TARBP1: variants seen among roughly 807,000 people sequenced by gnomAD.
The protein encoded by TARBP1 is tRNA (guanosine(18)-2'-O)-methyltransferase TARBP1.
A neutral mutation model predicts 178.6 loss-of-function variants in TARBP1; 144 were observed. That is an observed-to-expected ratio of 0.81 (90% CI 0.70 to 0.93). The LOEUF is 0.93. Ranked by LOEUF, TARBP1 falls within the 40% of genes least tolerant of loss-of-function variation. TARBP1 has a pLI of 0.00. For synonymous variants in TARBP1, 787 were observed against 781.0 expected, an observed-to-expected ratio of 1.01 and a Z score of -0.13; for missense variants, 2,067 against 2,011.7, an observed-to-expected ratio of 1.03 and a Z score of -0.53.
At chr1:234,411,238 T>C (rs932644899) in intron 22 of TARBP1, among the ~76,000 whole-genome samples, 1 of 152,380 alleles carries the variant, frequency 6.6e-6, no homozygotes, top group Middle Eastern at 3.4e-3. Context: ...TTACATAGCA[T>C]GTACATTGTA....
intron 3 of TARBP1, among the ~76,000 whole-genome samples, chr1:234,470,135 C>T (rs796934215): frequency 1.6e-4 from 24 of 152,044 alleles, no homozygotes; most frequent in African/African-American, 4.6e-4. Flanking sequence ...GGTGTGGTGG[C>T]GCATGCCTGT....
chr1:234,392,997 G>C (rs184703111), intron 28 of TARBP1, among the ~76,000 whole-genome samples: 1 of 152,162 alleles, frequency 6.6e-6, no homozygotes, highest in Non-Finnish European at 1.5e-5. Context: ...GGGATTACAG[G>C]CGTGAGCCAC....
In TARBP1 at chr1:234,411,210, A is replaced by C. The variant is rs572384963; in HGVS notation, c.3706-679T>G. On this transcript the variant is annotated intron_variant, in intron 22 of 29. Transcript: ENST00000040877. ...CAATTAAAAAGTAATACAAAGTTTA[A>C]AACTGTATAACAGCGATTTACATAG... Among the ~76,000 whole-genome samples the C allele has an allele frequency of 2.0e-4, 30 of 152,378 alleles. No homozygotes were observed. The South Asian group carries it at 3.1e-3, about 16-fold the overall frequency.
rs201266186 is a variant in TARBP1 at position 234,457,741 on chromosome 1, A to G, written c.1648T>C (p.Ser550Pro). The G allele has an allele frequency of 1.1e-5, 17 of 1,609,258 alleles. No individual in the cohort carries two copies. The highest frequency in any genetic ancestry group is 1.4e-5 in the Non-Finnish European group (16 of 1,177,054). Reference sequence around the variant, plus strand: ...GACATGAGAAAAGTTGAGACATCAGAAAGTGACACTTTCTCCTGGGCAGGG... The same window carrying G: ...GACATGAGAAAAGTTGAGACATCAGGAAGTGACACTTTCTCCTGGGCAGGG... Reference protein sequence around the residue: ...NLLDVEKVSLSDVSTFLMSLR... With the variant: ...NLLDVEKVSLPDVSTFLMSLR... The change falls in exon 9 of 30, where the codon TCT (serine) becomes CCT (proline). Residue 550 changes from serine (S) to proline (P), a missense_variant. Physicochemically the swap from Ser to Pro is moderately conservative, Grantham distance 74 (BLOSUM62 -1). Transcript: ENST00000040877.
At chr1:234,436,760 T>C (rs1212660154) in intron 13 of TARBP1, among the ~76,000 whole-genome samples, 1 of 152,184 alleles carries the variant, frequency 6.6e-6, no homozygotes, top group Non-Finnish European at 1.5e-5. Flanking sequence ...ATTTTCAAGG[T>C]ATTCTTTAAG....
chr1:234,435,957 C>A (rs1664988174), intron 13 of TARBP1, among the ~76,000 whole-genome samples: 1 of 152,150 alleles, frequency 6.6e-6, no homozygotes, highest in Non-Finnish European at 1.5e-5. Context: ...ACACTGCTGA[C>A]AGGGGAAAGT....
chr1:234,401,047 C>A, intron 25 of TARBP1, 134 bp downstream of exon 25: 1 of 622,586 alleles, frequency 1.6e-6, no homozygotes, highest in Admixed American at 3.2e-5. Context: ...AAACTTAGAA[C>A]TTTAAAATGT....
intron 12 of TARBP1, 38 bp from the exon 13 acceptor site, chr1:234,437,410 C>T (rs745892004): frequency 2.7e-6 from 3 of 1,110,680 alleles, no homozygotes; most frequent in Non-Finnish European, 3.9e-6. Context: ...AAAATGACAG[C>T]AGTTCTTTGG....
chr1:234,409,693 T>C (rs1661607464), intron 23 of TARBP1, among the ~76,000 whole-genome samples: 1 of 152,228 alleles, frequency 6.6e-6, no homozygotes, highest in African/African-American at 2.4e-5. Context: ...GTTTAAAAAC[T>C]AGAACACTGA....
rs147429044 is a variant in TARBP1 at position 234,446,923 on chromosome 1, C to T, written c.2014G>A (p.Asp672Asn). ...TTGGTACTAAACTTCATAAGCACATCCAGAAGAGGGTCTAAGAATATCCGC... is the reference window on the plus strand; with the variant it reads ...TTGGTACTAAACTTCATAAGCACATTCAGAAGAGGGTCTAAGAATATCCGC... ...VLRIFLDPLL[D>N]VLMKFSTNAY... Residue 672 changes from aspartate to asparagine, a missense_variant, in exon 12 of 30, where the codon GAT becomes AAT. Asp to Asn is a conservative substitution (Grantham distance 23). Transcript: ENST00000040877. The T allele has an allele frequency of 1.9e-6, 3 of 1,613,910 alleles. No homozygotes were observed. The highest frequency in any genetic ancestry group is 3.3e-5 in the Admixed American group (2 of 59,992).
At chr1:234,430,532 T>G (rs1442219325) in intron 14 of TARBP1, among the ~76,000 whole-genome samples, 1 of 152,180 alleles carries the variant, frequency 6.6e-6, no homozygotes, top group African/African-American at 2.4e-5. Context: ...GCAATTTAGA[T>G]TAAGACAACA....
intron 1 of TARBP1, among the ~76,000 whole-genome samples, chr1:234,477,777 A>C (rs1417574271): frequency 6.6e-6 from 1 of 152,222 alleles, no homozygotes; most frequent in Non-Finnish European, 1.5e-5. Context: ...TCAATTCACT[A>C]ATTCACTGGT....
intron 3 of TARBP1, among the ~76,000 whole-genome samples, chr1:234,468,775 G>A (rs1668718900): frequency 6.6e-6 from 1 of 151,800 alleles, no homozygotes; most frequent in Admixed American, 6.6e-5. Flanking sequence ...TGGTCCTTCT[G>A]TTCTGCCTCC....
At chr1:234,441,303 CTT>C (rs1221447465) in intron 12 of TARBP1, among the ~76,000 whole-genome samples, 2 of 151,404 alleles carry the variant, frequency 1.3e-5, no homozygotes, top group African/African-American at 4.8e-5. Context: ...CCCAGCAGGA[CTT>C]TTTTTTTGTA....
At chr1:234,402,768 A>G (rs958651439) in intron 24 of TARBP1, among the ~76,000 whole-genome samples, 3 of 151,944 alleles carry the variant, frequency 2.0e-5, no homozygotes, top group African/African-American at 7.3e-5. Context: ...TTATTTTTAT[A>G]GAGAACGGGG....
intron 2 of TARBP1, among the ~76,000 whole-genome samples, chr1:234,471,564 A>T (rs4920253): frequency 0.12 from 17,978 of 152,236 alleles, 2,597 homozygotes; most frequent in East Asian, 0.76. Flanking sequence ...ATACTAAGAT[A>T]TTACAAAGAG....
chr1:234,435,113 G>T (rs1664865887), intron 13 of TARBP1, among the ~76,000 whole-genome samples: 1 of 152,140 alleles, frequency 6.6e-6, no homozygotes, highest in Non-Finnish European at 1.5e-5. Flanking sequence ...AGGACATAGG[G>T]CGCTAGAAGG....
rs148820620 is a variant in TARBP1, at chr1:234,452,209, G to A, written c.1723-1643C>T. 5.6e-3 allele frequency among the ~76,000 whole-genome samples: 848 copies of A among 152,228 alleles called. 8 individuals carry two copies. The highest frequency in any genetic ancestry group is 0.019 in the African/African-American group (797 of 41,524). ...ATGACATCTAAATGGCAGTCTCTGGGTAGGCAGGTTCCCTTGATTCCCCAT... is the reference window on the plus strand; with the variant it reads ...ATGACATCTAAATGGCAGTCTCTGGATAGGCAGGTTCCCTTGATTCCCCAT... On this transcript the variant is annotated intron_variant, in intron 9 of 29. Transcript: ENST00000040877.
intron 6 of TARBP1, among the ~76,000 whole-genome samples, chr1:234,463,119 G>GTTTTTTTGT (rs1178862598): frequency 1.1e-5 from 1 of 90,870 alleles, no homozygotes. Flanking sequence ...TAAAACAAGT[G>GTTTTTTTGT]TTTTTTTGTT....
Sources: gnomAD v4.1 joint callset for allele counts (sites outside exome capture counted in the v4.1 genomes callset) on GRCh38, gnomAD v4.1.1 for gene constraint, MANE v1.5 for transcripts, NCBI Gene and HGNC (gene_info 2026-07-23, HGNC 2026-07-21) for gene names.